The following ABCB8 variants were observed in gnomAD, a reference collection of about 807,000 sequenced individuals.
ABCB8 encodes the protein ATP binding cassette subfamily B member 8.
A neutral mutation model predicts 73.0 loss-of-function variants in ABCB8; 52 were observed. That is an observed-to-expected ratio of 0.71 (90% CI 0.57 to 0.90). ABCB8 has a LOEUF of 0.90. Ranked by LOEUF, ABCB8 falls within the 40% of genes least tolerant of loss-of-function variation. ABCB8 has a pLI of 0.00. For synonymous variants in ABCB8, 428 were observed against 423.5 expected, an observed-to-expected ratio of 1.01 and a Z score of -0.13; for missense variants, 909 against 974.6, an observed-to-expected ratio of 0.93 and a Z score of 0.90.
At chr7:151,028,777 T>C in intron 1 of ABCB8, 167 bp downstream of exon 1, 1 of 1,537,050 alleles carries the variant, frequency 6.5e-7, no homozygotes, top group Non-Finnish European at 8.7e-7. Flanking sequence ...CAATTATTTA[T>C]AGTGACACTC....
At chr7:151,042,439 GTC>G (rs1248283499) in intron 14 of ABCB8, among the ~76,000 whole-genome samples, 2 of 152,196 alleles carry the variant, frequency 1.3e-5, no homozygotes, top group African/African-American at 4.8e-5. Context: ...TCCTCACCGA[GTC>G]TAAAAGGCCG....
At chr7:151,037,552 G>A in intron 9 of ABCB8, 1 of 562,478 alleles carries the variant, frequency 1.8e-6, no homozygotes. Context: ...ATATGTTATG[G>A]TAAATAATGA....
rs375197437 is a variant in ABCB8 at position 151,041,203 on chromosome 7, C to T, written c.1588C>T (p.Arg530Trp). ...GCGCACCCTTGACCCCTCCTGGCTC[C>T]GGGGCCAGGTTGTCGGCTTCATCAG... ...DLRTLDPSWL[R>W]GQVVGFISQE... Residue 530 changes from arginine to tryptophan, a missense_variant, in exon 13 of 16, where the codon CGG (arginine) becomes TGG (tryptophan). Coordinates refer to ENST00000358849, the MANE Select transcript of ABCB8 (RefSeq NM_007188.5). 2.0e-5 allele frequency: 32 copies of T among 1,605,824 alleles called. No individual in the cohort carries two copies. Among genetic ancestry groups the T allele is most frequent in the African/African-American group, 2.7e-5 (2 of 74,948 alleles).
rs374885136 is a variant in ABCB8 at position 151,036,108 on chromosome 7, G to A, written c.1049G>A (p.Arg350Gln). ...GCAGAGCTGGAAGCCTGCCGCTGCC[G>A]GGCAGAGGAGCTGGGCCGCGGCATC... Reference protein sequence around the residue: ...YGAELEACRCRAEELGRGIAL... With the variant: ...YGAELEACRCQAEELGRGIAL... The change falls in exon 8 of 16, where the codon CGG becomes CAG. Residue 350 changes from arginine to glutamine, a missense_variant. By Grantham distance (43) the Arg-to-Gln change is conservative (BLOSUM62 1). Transcript: ENST00000358849. 20 of 1,613,372 alleles carry A rather than the reference G, an allele frequency of 1.2e-5. No homozygotes were observed. Among genetic ancestry groups the A allele is most frequent in the African/African-American group, 4.0e-5 (3 of 74,938 alleles).
At chr7:151,037,431 C>T (rs1405733717) in intron 9 of ABCB8, 1 of 669,620 alleles carries the variant, frequency 1.5e-6, no homozygotes, top group South Asian at 1.6e-5. Context: ...TGGTCCAAAA[C>T]CACCCGCTCA....
rs1377476548 is a variant in ABCB8 at position 151,028,547 on chromosome 7, G to A, written c.32G>A (p.Arg11Gln). MLVHLFRVGIRGGPFPGRLLP... is the reference protein window; with the variant it reads MLVHLFRVGIQGGPFPGRLLP... ...GTGCATTTATTTCGGGTCGGGATTCGGGGTGGCCCATTCCCAGGCAGGCTG... is the reference window on the plus strand; with the variant it reads ...GTGCATTTATTTCGGGTCGGGATTCAGGGTGGCCCATTCCCAGGCAGGCTG... Residue 11 changes from arginine (R) to glutamine (Q), a missense_variant, in exon 1 of 16, where the codon CGG (arginine) becomes CAG (glutamine). Coordinates refer to ENST00000358849, the MANE Select transcript of ABCB8 (RefSeq NM_007188.5). 6 of 1,613,818 alleles carry A rather than the reference G, an allele frequency of 3.7e-6. No homozygotes were observed. The highest frequency in any genetic ancestry group is 1.7e-5 in the Admixed American group (1 of 59,968).
intron 9 of ABCB8, chr7:151,036,854 G>A (rs1009388447): frequency 2.6e-6 from 2 of 757,370 alleles, no homozygotes; most frequent in South Asian, 2.8e-5. Flanking sequence ...CAGTGGCGCT[G>A]CAGCAGGCAG....
rs548540113 is a variant in ABCB8 at position 151,040,974 on chromosome 7, T to G, written c.1483+52T>G. 4.4e-6 allele frequency: 7 copies of G among 1,603,796 alleles called. No homozygotes were observed. The Admixed American group carries it at 8.4e-5, about 19-fold the overall frequency. ...CCTCTGACTCTTCTCTAGCAGCCACTCAGAGCAAGGCCGGGAGCAGTGAGC... is the reference window on the plus strand; with the variant it reads ...CCTCTGACTCTTCTCTAGCAGCCACGCAGAGCAAGGCCGGGAGCAGTGAGC... On this transcript the variant is annotated intron_variant, in intron 12 of 15. Coordinates refer to ENST00000358849, the MANE Select transcript of ABCB8 (RefSeq NM_007188.5).
At chr7:151,028,786 T>C (rs751803022) in intron 1 of ABCB8, 176 bp downstream of exon 1, 5 of 1,540,482 alleles carry the variant, frequency 3.2e-6, no homozygotes, top group Admixed American at 1.9e-5. Context: ...ATAGTGACAC[T>C]CCAGTCGCCA....
chr7:151,028,820 C>T, intron 1 of ABCB8: 1 of 1,555,918 alleles, frequency 6.4e-7, no homozygotes, highest in Non-Finnish European at 8.7e-7. Flanking sequence ...GCGTCTGCAG[C>T]CGCGTGTCAG....
At chr7:151,042,171 G>C (rs1796486505) in intron 14 of ABCB8, 63 bp downstream of exon 14, 2 of 1,595,710 alleles carry the variant, frequency 1.3e-6, no homozygotes, top group Non-Finnish European at 8.6e-7. Flanking sequence ...TTCCACAGGA[G>C]CAGTGAGCAG....
chr7:151,041,140 C>T lies in ABCB8; in HGVS notation c.1525C>T (p.Pro509Ser). The T allele has an allele frequency of 1.2e-6, 2 of 1,612,898 alleles. No homozygotes were observed. Among genetic ancestry groups the T allele is most frequent in the African/African-American group, 1.3e-5 (1 of 75,058 alleles). The change falls in exon 13 of 16, where the codon CCC becomes TCC. Residue 509 changes from proline to serine, a missense_variant. By Grantham distance (74) the Pro-to-Ser change is moderately conservative. Transcript: ENST00000358849. ...TTCCCTGCTGGAGCGCTTCTACGAC[C>T]CCACGGCAGGCGTGGTGATGCTGGA... ...VASLLERFYD[P>S]TAGVVMLDGR... is the part of the protein sequence containing the mutation.
At chr7:151,044,323 A>G (rs1039633728) in intron 15 of ABCB8, 102 bp downstream of exon 15, 3 of 1,521,578 alleles carry the variant, frequency 2.0e-6, no homozygotes, top group Non-Finnish European at 2.7e-6. Context: ...GCCTGGCCCC[A>G]GGGCCTTGGG....
chr7:151,040,445 C>G (rs1796424320), intron 10 of ABCB8, 53 bp from the exon 11 acceptor site: 3 of 1,581,800 alleles, frequency 1.9e-6, no homozygotes, highest in Admixed American at 3.5e-5. Context: ...CCTGGAGATG[C>G]TGTTGTCACC....
chr7:151,042,459 C>T (rs1233046390), intron 14 of ABCB8, among the ~76,000 whole-genome samples: 2 of 152,316 alleles, frequency 1.3e-5, no homozygotes, highest in Admixed American at 1.3e-4. Context: ...CCGCCACTTC[C>T]CCAGACTGAA....
At chr7:151,044,282 A>G in intron 15 of ABCB8, 61 bp downstream of exon 15, 1 of 1,565,518 alleles carries the variant, frequency 6.4e-7, no homozygotes, top group Non-Finnish European at 8.7e-7. Flanking sequence ...GGACAGTGGC[A>G]CAATGCTGCA....
At position 151,040,288 on chromosome 7, in the gene ABCB8, T is replaced by C; in HGVS notation, c.1238T>C (p.Val413Ala). 1.2e-6 allele frequency: 2 copies of C among 1,613,330 alleles called. No individual in the cohort carries two copies. Among genetic ancestry groups the C allele is most frequent in the Non-Finnish European group, 1.7e-6 (2 of 1,179,698 alleles). ...GACAGGTCCATGGCCAACCTCTCTG[T>C]CCTGTTTGGGCAGGTGAGTGGCCGG... ...TVQRSMANLS[V>A]LFGQVVRGLS... Residue 413 changes from valine (V) to alanine (A), a missense_variant, in exon 10 of 16, where the codon GTC (valine) becomes GCC (alanine). Val to Ala is a moderately conservative substitution (Grantham distance 64). Transcript: ENST00000358849.
intron 9 of ABCB8, 32 bp downstream of exon 9, chr7:151,036,681 C>T: frequency 1.3e-6 from 2 of 1,530,152 alleles, no homozygotes; most frequent in African/African-American, 1.4e-5. Context: ...TGCTACAGAG[C>T]CCCCTGCCGC....
In ABCB8 at chr7:151,044,038, G is replaced by A. The variant is rs776097096; in HGVS notation, c.1833G>A (p.Lys611=). 42 of 1,613,374 alleles carry A rather than the reference G, an allele frequency of 2.6e-5. No homozygotes were observed. The highest frequency in any genetic ancestry group is 3.6e-5 in the Non-Finnish European group (42 of 1,179,880). ...QRLAIARALI[K]QPTVLILDEA... Reference sequence around the variant, plus strand: ...TGGCCATCGCCCGAGCCCTTATCAAGCAGCCCACGGTGCTGATACTGGATG... The same window carrying A: ...TGGCCATCGCCCGAGCCCTTATCAAACAGCCCACGGTGCTGATACTGGATG... The change falls in exon 15 of 16, where the codon AAG becomes AAA. Residue 611 remains lysine (K), a synonymous_variant. Transcript: ENST00000358849.
Sources: allele counts gnomAD v4.1 joint callset (sites outside exome capture counted in the v4.1 genomes callset), GRCh38; gene constraint gnomAD v4.1.1; transcripts MANE v1.5; gene names NCBI Gene and HGNC (gene_info 2026-07-23, HGNC 2026-07-21).